PCNX1: variants seen among roughly 807,000 people sequenced by gnomAD.
PCNX1 encodes the protein pecanex-like protein 1.
A neutral mutation model predicts 242.2 loss-of-function variants in PCNX1; 78 were observed. The observed-to-expected ratio is 0.32, with a 90% CI of 0.27 to 0.39. PCNX1 has a LOEUF of 0.39. Among genes scored for constraint, PCNX1 ranks in the 10% least tolerant of loss-of-function variants. The probability of loss-of-function intolerance (pLI) is 1.00; values close to 1 mark genes in which losing one functional copy is unlikely to be tolerated. For synonymous variants in PCNX1, 1,024 were observed against 1,032.9 expected, an observed-to-expected ratio of 0.99 and a Z score of 0.17; for missense variants, 2,581 against 2,856.5, an observed-to-expected ratio of 0.90 and a Z score of 2.20.
Position 71,108,995 on chromosome 14 carries a change from T to A in PCNX1, c.6693T>A (p.Ser2231Arg). The A allele has an allele frequency of 6.2e-7, 1 of 1,614,100 alleles. No homozygotes were observed. The highest frequency in any genetic ancestry group is 8.5e-7 in the Non-Finnish European group (1 of 1,179,972). ...ATGCACAGCCAGGCAACACCTTAAG[T>A]CCTGCCAACAATTCACACTCCAGAA... is the stretch of plus-strand genomic sequence containing the variant. ...ATDAQPGNTL[S>R]PANNSHSRKA... The change falls in exon 34 of 36, where the codon AGT becomes AGA. Residue 2231 changes from serine to arginine, a missense_variant. This residue lies in a region of PCNX1 where 432 missense variants were observed against 433.6 expected (regional missense o/e 1.00). Transcript: ENST00000304743.
At chr14:71,003,009 C>G (rs2059548183) in intron 8 of PCNX1, among the ~76,000 whole-genome samples, 1 of 149,722 alleles carries the variant, frequency 6.7e-6, no homozygotes. Flanking sequence ...TGGCCACATA[C>G]ATATATATCT....
At chr14:71,096,370 C>A (rs1481424027) in intron 30 of PCNX1, among the ~76,000 whole-genome samples, 1 of 151,920 alleles carries the variant, frequency 6.6e-6, no homozygotes, top group Non-Finnish European at 1.5e-5. Flanking sequence ...ACTTAGGAGG[C>A]TAAGGTGAGA....
intron 1 of PCNX1, among the ~76,000 whole-genome samples, chr14:70,913,773 T>C (rs137967083): frequency 2.0e-5 from 3 of 152,350 alleles, no homozygotes; most frequent in African/African-American, 7.2e-5. Context: ...GATTTTCATA[T>C]TTTAAAATTT....
chr14:71,002,059 A>G (rs1485845985), intron 8 of PCNX1, among the ~76,000 whole-genome samples: 1 of 152,192 alleles, frequency 6.6e-6, no homozygotes, highest in Non-Finnish European at 1.5e-5. Flanking sequence ...AGGCTGAAAA[A>G]TGTCTCTAAC....
intron 26 of PCNX1, among the ~76,000 whole-genome samples, chr14:71,071,970 T>TA (rs1287468414): frequency 6.6e-6 from 1 of 152,196 alleles, no homozygotes; most frequent in African/African-American, 2.4e-5. Flanking sequence ...TCAGAGTTCA[T>TA]ACACCATTTG....
intron 3 of PCNX1, among the ~76,000 whole-genome samples, chr14:70,964,278 G>C (rs2058311893): frequency 6.6e-6 from 1 of 152,042 alleles, no homozygotes; most frequent in South Asian, 2.1e-4. Context: ...ATGTTGTCCA[G>C]ACTACCTCGA....
At chr14:70,943,999 AGTGCCTGGATGTCT>A (rs1387667250) in intron 1 of PCNX1, among the ~76,000 whole-genome samples, 8 of 152,212 alleles carry the variant, frequency 5.3e-5, no homozygotes, top group African/African-American at 1.7e-4. Context: ...GATGTATGGA[AGTGCCTGGATGTCT>A]GGGCAGAAGT....
intron 1 of PCNX1, among the ~76,000 whole-genome samples, chr14:70,922,175 C>G (rs888544474): frequency 2.0e-5 from 3 of 152,044 alleles, no homozygotes; most frequent in Admixed American, 2.0e-4. Context: ...GCTTTTTACC[C>G]AGTATGGTGT....
At chr14:71,098,675 G>C (rs1003182499) in intron 30 of PCNX1, among the ~76,000 whole-genome samples, 1 of 152,212 alleles carries the variant, frequency 6.6e-6, no homozygotes, top group East Asian at 1.9e-4. Flanking sequence ...GCTGAAACTT[G>C]AAGTCATTTA....
At position 71,109,580 on chromosome 14, in the gene PCNX1, C is replaced by T. The variant is rs201428591; in HGVS notation, c.6873C>T (p.Gly2291=). 6.8e-6 allele frequency: 11 copies of T among 1,614,000 alleles called. No individual in the cohort carries two copies. Among genetic ancestry groups the T allele is most frequent in the African/African-American group, 2.7e-5 (2 of 74,898 alleles). Residue 2291 remains glycine (G), a synonymous_variant, in exon 35 of 36, where the codon GGC becomes GGT. Coordinates refer to ENST00000304743, the MANE Select transcript of PCNX1 (RefSeq NM_014982.3). ...GGAAAGACTGGAGTCCGCAGGAGGGCATGGAAGGCCATGTAAGTTCTTTTA... is the reference window on the plus strand; with the variant it reads ...GGAAAGACTGGAGTCCGCAGGAGGGTATGGAAGGCCATGTAAGTTCTTTTA... ...NSWKDWSPQE[G]MEGHVIHRWV...
intron 1 of PCNX1, among the ~76,000 whole-genome samples, chr14:70,944,597 T>C (rs989716030): frequency 2.0e-5 from 3 of 152,156 alleles, no homozygotes; most frequent in African/African-American, 7.2e-5. Context: ...TGGAATGAGT[T>C]AAGACTTTGG....
chr14:71,041,756 C>G (rs2060711739), intron 19 of PCNX1, among the ~76,000 whole-genome samples: 1 of 151,550 alleles, frequency 6.6e-6, no homozygotes, highest in African/African-American at 2.4e-5. Flanking sequence ...ACTCTTTCTA[C>G]TTTTTTGATG....
intron 10 of PCNX1, 55 bp downstream of exon 10, chr14:71,011,604 A>G: frequency 2.0e-6 from 2 of 1,000,996 alleles, no homozygotes; most frequent in South Asian, 2.8e-5. Flanking sequence ...AATCTGAAAT[A>G]TGTATTTACA....
intron 16 of PCNX1, among the ~76,000 whole-genome samples, chr14:71,032,299 T>C (rs1297390409): frequency 6.6e-6 from 1 of 152,272 alleles, no homozygotes; most frequent in Non-Finnish European, 1.5e-5. Flanking sequence ...CCTTTCATTC[T>C]CAAGCTCTTA....
Position 70,907,730 on chromosome 14 carries a change from C to A in PCNX1, c.-121C>A. 1 of 1,134,400 alleles carries A rather than the reference C, an allele frequency of 8.8e-7. No individual in the cohort carries two copies. Among genetic ancestry groups the A allele is most frequent in the South Asian group, 4.3e-5 (1 of 23,286 alleles). 70.3% of individuals were successfully genotyped at this position (1,134,400 alleles called of 1,614,324 possible). A position where few individuals can be genotyped will look rare whatever the true frequency, so the allele number is the denominator to read the frequency against. On this transcript the variant is annotated 5_prime_UTR_variant, in exon 1 of 36. Coordinates refer to ENST00000304743, the MANE Select transcript of PCNX1 (RefSeq NM_014982.3). ...GCGACCGCCGAAGCGCCGGCTCGCT[C>A]ACCCGGAGCTCCGGAGGTGGATAGA... is the stretch of plus-strand genomic sequence containing the variant.
chr14:71,010,738 G>A (rs578040193), intron 9 of PCNX1, among the ~76,000 whole-genome samples: 4 of 152,012 alleles, frequency 2.6e-5, no homozygotes, highest in Non-Finnish European at 5.9e-5. Context: ...TAGGACTTCT[G>A]TTTAATGATG....
intron 14 of PCNX1, 49 bp downstream of exon 14, chr14:71,026,337 A>G (rs1161066255): frequency 1.7e-6 from 2 of 1,145,362 alleles, no homozygotes; most frequent in Non-Finnish European, 2.4e-6. Context: ...TTATTTGTAT[A>G]TCAACATTTT....
intron 2 of PCNX1, among the ~76,000 whole-genome samples, 177 bp from the exon 3 acceptor site, chr14:70,962,049 A>C (rs1341635515): frequency 6.6e-6 from 1 of 151,882 alleles, no homozygotes; most frequent in African/African-American, 2.4e-5. Flanking sequence ...AAATAGTTCC[A>C]AGTATCAGAC....
In PCNX1 at chr14:71,047,953, A is replaced by G; in HGVS notation, c.4307A>G (p.Asp1436Gly). Reference sequence around the variant, plus strand: ...GCTTTTTCAGAGACCATGCTGTTGGATCTCTTCTTTATGTCCATACTCTTC... The same window carrying G: ...GCTTTTTCAGAGACCATGCTGTTGGGTCTCTTCTTTATGTCCATACTCTTC... ...YEAFSETMLL[D>G]LFFMSILFNK... Residue 1436 changes from aspartate to glycine, a missense_variant, in exon 22 of 36, where the codon GAT becomes GGT. By Grantham distance (94) the Asp-to-Gly change is moderately conservative (BLOSUM62 -1). This residue lies in a region of PCNX1 where 432 missense variants were observed against 443.1 expected (regional missense o/e 0.97). Transcript: ENST00000304743. 6.2e-7 allele frequency: 1 copy of G among 1,612,816 alleles called. No individual in the cohort carries two copies. The highest frequency in any genetic ancestry group is 8.5e-7 in the Non-Finnish European group (1 of 1,179,236).
Sources: gnomAD v4.1 joint callset for allele counts (sites outside exome capture counted in the v4.1 genomes callset) on GRCh38, gnomAD v4.1.1 for gene constraint, gnomAD v4.1.1 regional missense constraint, MANE v1.5 for transcripts, NCBI Gene and HGNC (gene_info 2026-07-23, HGNC 2026-07-21) for gene names.